Variants in DENND4C observed in about 807,000 individuals in gnomAD.
DENND4C encodes the protein DENN domain-containing protein 4C.
A neutral mutation model predicts 203.0 loss-of-function variants in DENND4C; 108 were observed. The ratio of observed to expected loss-of-function variants is 0.53; its 90% CI spans 0.46 to 0.62. The LOEUF (loss-of-function observed/expected upper bound fraction) is 0.62. Ranked by LOEUF, DENND4C falls within the 20% of genes least tolerant of loss-of-function variation. The pLI is 0.00. For missense variants in DENND4C, 2,481 were observed against 2,301.2 expected (o/e 1.08, Z -1.60); for synonymous variants, 871 against 792.4 (o/e 1.10, Z -1.67).
In DENND4C at chr9:19,346,916, C is replaced by T; in HGVS notation, c.4147C>T (p.Pro1383Ser). The T allele has an allele frequency of 6.2e-7, 1 of 1,614,198 alleles. No homozygotes were observed. The highest frequency in any genetic ancestry group is 8.5e-7 in the Non-Finnish European group (1 of 1,180,032). The change falls in exon 23 of 33, where the codon CCA becomes TCA. Residue 1383 changes from proline (P) to serine (S), a missense_variant. Around this residue, in one of 3 missense-constraint regions of DENND4C, gnomAD observed 2,289 missense variants for 2,113.3 expected, o/e 1.08. Transcript: ENST00000434457. ...TSLSALVRSS[P>S]HGSLGSVVNS... ...TTTGTCAGCACTGGTGCGTTCTTCG[C>T]CACATGGCTCGTTGGGTTCTGTAGT...
intron 20 of DENND4C, among the ~76,000 whole-genome samples, chr9:19,338,228 CATG>C (rs1293670306): frequency 1.3e-5 from 2 of 151,734 alleles, no homozygotes; most frequent in African/African-American, 4.8e-5. Context: ...GTATTTTTTT[CATG>C]ATACTTGTAG....
intron 20 of DENND4C, among the ~76,000 whole-genome samples, chr9:19,338,885 T>C (rs1201887105): frequency 6.6e-6 from 1 of 152,184 alleles, no homozygotes; most frequent in Non-Finnish European, 1.5e-5. Flanking sequence ...AAAATGGAGG[T>C]ACTGCATATG....
rs139334139 is a variant in DENND4C, at chr9:19,369,859, C to T, written c.5547C>T (p.Leu1849=). ...RNFNSEKKSS[L]LSEEQQETST... ...TAGATTCTGAAAAGAAATCATCTCTCCTGTCAGAGGAACAACAAGAAACAA... is the reference window on the plus strand; with the variant it reads ...TAGATTCTGAAAAGAAATCATCTCTTCTGTCAGAGGAACAACAAGAAACAA... Residue 1849 remains leucine (L), a synonymous_variant, in exon 31 of 33, where the codon CTC becomes CTT. Coordinates refer to ENST00000434457, the MANE Select transcript of DENND4C (RefSeq NM_001330640.2). The T allele has an allele frequency of 5.6e-6, 9 of 1,606,202 alleles. No individual in the cohort carries two copies. The highest frequency in any genetic ancestry group is 1.7e-4 in the Middle Eastern group (1 of 6,024).
rs1371140051 is a variant in DENND4C at position 19,358,828 on chromosome 9, C to T, written c.5160+668C>T. On this transcript the variant is annotated intron_variant, in intron 28 of 32. Transcript: ENST00000434457. This position sits in a 1 kb window ranked among gnomAD's most constrained non-coding sequence, Gnocchi z 4.8. ...AACGATAAAAGTTGGAATTTGTGTC[C>T]GGAACCTTGATCAGATTTGGGGTTT... 6.6e-6 allele frequency among the ~76,000 whole-genome samples: 1 copy of T among 151,694 alleles called. No individual in the cohort carries two copies. Among genetic ancestry groups the T allele is most frequent in the African/African-American group, 2.4e-5 (1 of 41,040 alleles).
chr9:19,268,161 A>G (rs1206825077), intron 1 of DENND4C, among the ~76,000 whole-genome samples: 1 of 151,378 alleles, frequency 6.6e-6, no homozygotes, highest in African/African-American at 2.4e-5. Context: ...GTGCAGTGGC[A>G]TAATCTCAGC....
chr9:19,341,052 T>C lies in DENND4C; in HGVS notation c.2942T>C (p.Ile981Thr). Residue 981 changes from isoleucine (I) to threonine (T), a missense_variant, in exon 21 of 33, where the codon ATT becomes ACT. Ile to Thr is a moderately conservative substitution (Grantham distance 89, BLOSUM62 -1). Around this residue, in one of 3 missense-constraint regions of DENND4C, gnomAD observed 2,289 missense variants for 2,113.3 expected, o/e 1.08. Transcript: ENST00000434457. Reference protein sequence around the residue: ...KDELIKDDAEIHVPEEQAARE... With the variant: ...KDELIKDDAETHVPEEQAARE... Reference sequence around the variant, plus strand: ...GAACTTATAAAGGATGATGCAGAAATTCATGTGCCTGAAGAACAGGCAGCA... The same window carrying C: ...GAACTTATAAAGGATGATGCAGAAACTCATGTGCCTGAAGAACAGGCAGCA... 1 of 1,613,278 alleles carries C rather than the reference T, an allele frequency of 6.2e-7. No individual in the cohort carries two copies. Among genetic ancestry groups the C allele is most frequent in the African/African-American group, 1.3e-5 (1 of 74,960 alleles).
chr9:19,354,394 T>C (rs1244879128), intron 26 of DENND4C, among the ~76,000 whole-genome samples: 1 of 152,192 alleles, frequency 6.6e-6, no homozygotes, highest in Non-Finnish European at 1.5e-5. Context: ...TATTGCTTCC[T>C]AGACGGCTGC....
intron 1 of DENND4C, among the ~76,000 whole-genome samples, chr9:19,250,524 G>A (rs962493194): frequency 6.6e-6 from 1 of 152,016 alleles, no homozygotes; most frequent in Non-Finnish European, 1.5e-5. Context: ...CGCTGCACCC[G>A]ACCCCAAAGT....
intron 24 of DENND4C, 152 bp from the exon 25 acceptor site, chr9:19,351,921 T>A: frequency 1.8e-6 from 1 of 563,240 alleles, no homozygotes; most frequent in Non-Finnish European, 3.2e-6. Context: ...GTTAACTTTA[T>A]CTCTTTCTAT....
intron 6 of DENND4C, among the ~76,000 whole-genome samples, chr9:19,297,521 T>C (rs549990951): frequency 6.6e-6 from 1 of 152,316 alleles, no homozygotes; most frequent in African/African-American, 2.4e-5. Context: ...TATGAATAGC[T>C]TGTGATAAAA....
Position 19,301,704 on chromosome 9 carries a change from C to T in DENND4C, c.1311+1373C>T, listed in dbSNP as rs1237529093. 2.0e-5 allele frequency among the ~76,000 whole-genome samples: 3 copies of T among 152,130 alleles called. 1 individual carries two copies. Among genetic ancestry groups the T allele is most frequent in the East Asian group, 3.9e-4 (2 of 5,180 alleles). On this transcript the variant is annotated intron_variant, in intron 9 of 32. Transcript: ENST00000434457. ...CTGTAATCCCAGCACTTTGGGAGGCCAAGGCAGGCAGATCACGAGGTCAAG... is the reference window on the plus strand; with the variant it reads ...CTGTAATCCCAGCACTTTGGGAGGCTAAGGCAGGCAGATCACGAGGTCAAG...
chr9:19,325,782 T>TA (rs1315935468), intron 13 of DENND4C, among the ~76,000 whole-genome samples, 157 bp from the exon 14 acceptor site: 2 of 152,160 alleles, frequency 1.3e-5, no homozygotes, highest in Non-Finnish European at 1.5e-5. Context: ...TGCTTTAGCC[T>TA]AAGAGTATGT....
At position 19,346,212 on chromosome 9, in the gene DENND4C, G is replaced by T. The variant is rs770932231; in HGVS notation, c.3443G>T (p.Ser1148Ile). ...TSLLHIARTH[S>I]FENVSCHLPD... The stretch of plus-strand genomic sequence containing the variant: ...CTACTTCATATTGCAAGAACCCATA[G>T]CTTTGAGAATGTTAGCTGTCACCTA... Residue 1148 changes from serine (S) to isoleucine (I), a missense_variant, in exon 23 of 33, where the codon AGC (serine) becomes ATC (isoleucine). This residue lies in a region of DENND4C where 2,289 missense variants were observed against 2,113.3 expected (regional missense o/e 1.08). Coordinates refer to ENST00000434457, the MANE Select transcript of DENND4C (RefSeq NM_001330640.2). 19 of 1,614,072 alleles carry T rather than the reference G, an allele frequency of 1.2e-5. 1 individual carries two copies. In the South Asian group the frequency reaches 2.0e-4, roughly 17 times the overall value.
chr9:19,234,945 A>G (rs974685647), intron 1 of DENND4C, among the ~76,000 whole-genome samples: 28 of 149,202 alleles, frequency 1.9e-4, no homozygotes, highest in Admixed American at 1.4e-3. Context: ...GGGAAAGTCA[A>G]CTTTCTTTTT....
intron 1 of DENND4C, among the ~76,000 whole-genome samples, chr9:19,250,845 T>C (rs938000113): frequency 2.6e-5 from 4 of 152,174 alleles, no homozygotes; most frequent in Non-Finnish European, 5.9e-5. Flanking sequence ...GTTCCCATGG[T>C]CTTGGGCAAC....
chr9:19,371,943 C>T (rs1201893265), intron 32 of DENND4C, 94 bp from the exon 33 acceptor site: 9 of 1,372,584 alleles, frequency 6.6e-6, no homozygotes, highest in Non-Finnish European at 9.1e-6. Context: ...ATATATAGTT[C>T]AAATACATAT....
intron 4 of DENND4C, among the ~76,000 whole-genome samples, chr9:19,290,181 C>T (rs1042767675): frequency 6.6e-6 from 1 of 152,152 alleles, no homozygotes. Flanking sequence ...CTCCTACTTT[C>T]TGGGTCTCAC....
At chr9:19,349,044 G>T (rs1823526472) in intron 23 of DENND4C, among the ~76,000 whole-genome samples, 1 of 152,134 alleles carries the variant, frequency 6.6e-6, no homozygotes, top group African/African-American at 2.4e-5. Flanking sequence ...GGGCTCAAGT[G>T]TTCCTAGGTC....
At chr9:19,335,838 CAA>C (rs1307526482) in intron 18 of DENND4C, among the ~76,000 whole-genome samples, 1 of 152,074 alleles carries the variant, frequency 6.6e-6, no homozygotes, top group Non-Finnish European at 1.5e-5. Context: ...GATCTCTCTT[CAA>C]TATACTGATT....
Sources: gnomAD v4.1 joint callset for allele counts (sites outside exome capture counted in the v4.1 genomes callset) on GRCh38, gnomAD v4.1.1 for gene constraint, gnomAD v4.1.1 regional missense constraint, Gnocchi (gnomAD v3.1) non-coding constraint, MANE v1.5 for transcripts, NCBI Gene and HGNC (gene_info 2026-07-23, HGNC 2026-07-21) for gene names.